The following PHF23 variants were observed in gnomAD, a reference collection of about 807,000 sequenced individuals.
PHF23 encodes the protein PHD finger protein 23.
In PHF23, 3 loss-of-function variants were observed where a neutral mutation model predicts 36.0. That is an observed-to-expected ratio of 0.08 (90% CI 0.04 to 0.22). The LOEUF (loss-of-function observed/expected upper bound fraction) is 0.22. Among genes scored for constraint, PHF23 ranks in the 10% least tolerant of loss-of-function variants. PHF23 has a pLI of 1.00. For synonymous variants in PHF23, 242 were observed against 192.5 expected, an observed-to-expected ratio of 1.26 and a Z score of -2.13; for missense variants, 475 against 513.6, an observed-to-expected ratio of 0.92 and a Z score of 0.73.
intron 3 of PHF23, 80 bp downstream of exon 3, chr17:7,237,305 G>A (rs1479448466): frequency 1.6e-6 from 2 of 1,226,230 alleles, no homozygotes; most frequent in African/African-American, 3.0e-5. Flanking sequence ...CTTCTATAAA[G>A]CAATACAGTT....
chr17:7,239,403 G>A lies in PHF23; in HGVS notation c.-124C>T. ...GAAGTGTCCGCCTCAGCCCGGTTGA[G>A]ACTCGAGTCCGCTAGCCGCTGCCGC... On this transcript the variant is annotated 5_prime_UTR_variant, in exon 1 of 5. Coordinates refer to ENST00000320316, the MANE Select transcript of PHF23 (RefSeq NM_024297.3). 1.9e-6 allele frequency: 1 copy of A among 518,432 alleles called. No individual in the cohort carries two copies. Among genetic ancestry groups the A allele is most frequent in the East Asian group, 3.6e-5 (1 of 27,938 alleles). 32.1% of individuals were successfully genotyped at this position (518,432 alleles called of 1,614,324 possible).
chr17:7,237,319 T>C, intron 3 of PHF23, 66 bp downstream of exon 3: 2 of 1,361,434 alleles, frequency 1.5e-6, no homozygotes, highest in Non-Finnish European at 2.1e-6. Flanking sequence ...TACAGTTCTG[T>C]TTGAACAACA....
chr17:7,239,148 C>G (rs1051930478), intron 1 of PHF23, 98 bp downstream of exon 1: 1 of 1,037,668 alleles, frequency 9.6e-7, no homozygotes, highest in African/African-American at 1.6e-5. Flanking sequence ...CCTCCCCGAA[C>G]TCCCCCGCTG....
Position 7,238,737 on chromosome 17 carries a change from C to T in PHF23, c.34+509G>A, listed in dbSNP as rs114432752. On this transcript the variant is annotated intron_variant, in intron 1 of 4. Transcript: ENST00000320316. Reference sequence around the variant, plus strand: ...CTACCCCCCGGTACAGGTCCGTCTGCCGTAGACAATACCCAGACCCCCTCT... The same window carrying T: ...CTACCCCCCGGTACAGGTCCGTCTGTCGTAGACAATACCCAGACCCCCTCT... 3.8e-3 allele frequency: 5,767 copies of T among 1,509,806 alleles called. 139 individuals carry two copies. The African/African-American group carries it at 0.056, about 15-fold the overall frequency. The allele number at this position is 1,509,806 out of a possible 1,614,324, so 93.5% of individuals were successfully genotyped here.
chr17:7,236,864 A>G lies in PHF23; in HGVS notation c.160-97T>C, dbSNP rs1214416646. ...AAAAGGAGTGACTGGATTTACCCCA[A>G]AATGTCCTACCTCAACCACTAAATC... On this transcript the variant is annotated intron_variant, in intron 3 of 4. Coordinates refer to ENST00000320316, the MANE Select transcript of PHF23 (RefSeq NM_024297.3). This position sits in a 1 kb window ranked among gnomAD's most constrained non-coding sequence, Gnocchi z 5.1. 21 of 1,487,046 alleles carry G rather than the reference A, an allele frequency of 1.4e-5. No homozygotes were observed. Among genetic ancestry groups the G allele is most frequent in the Non-Finnish European group, 1.9e-5 (21 of 1,128,870 alleles). 92.1% of individuals were successfully genotyped at this position (1,487,046 alleles called of 1,614,324 possible). A position where few individuals can be genotyped will look rare whatever the true frequency, so the allele number is the denominator to read the frequency against.
At chr17:7,238,884 A>G in intron 1 of PHF23, 1 of 1,530,128 alleles carries the variant, frequency 6.5e-7, no homozygotes. Flanking sequence ...CGGGCCCCTC[A>G]CTCAGCCTCT....
Position 7,236,353 on chromosome 17 carries a change from C to T in PHF23, c.574G>A (p.Ala192Thr). 1.2e-6 allele frequency: 2 copies of T among 1,614,214 alleles called. No homozygotes were observed. The highest frequency in any genetic ancestry group is 8.5e-7 in the Non-Finnish European group (1 of 1,180,046). ...CGAAGCACCCCAAAGCCAGCCCCAGCTCCTGGCCCCAACTTTCGGTTCTTT... is the reference window on the plus strand; with the variant it reads ...CGAAGCACCCCAAAGCCAGCCCCAGTTCCTGGCCCCAACTTTCGGTTCTTT... ...DRKNRKLGPG[A>T]GAGFGVLRRP... is the part of the protein sequence containing the mutation. Residue 192 changes from alanine (A) to threonine (T), a missense_variant, in exon 4 of 5, where the codon GCT becomes ACT. By Grantham distance (58) the Ala-to-Thr change is moderately conservative. Transcript: ENST00000320316. The surrounding 1 kb of genome is among the most constrained non-coding windows in gnomAD (Gnocchi z 5.1).
chr17:7,239,145 G>A (rs1429199699), intron 1 of PHF23, 101 bp downstream of exon 1: 3 of 1,010,108 alleles, frequency 3.0e-6, no homozygotes, highest in Non-Finnish European at 2.9e-6. Context: ...CCCCCTCCCC[G>A]AACTCCCCCG....
chr17:7,238,802 G>A (rs756938113), intron 1 of PHF23: 228 of 1,531,562 alleles, frequency 1.5e-4, no homozygotes, highest in Middle Eastern at 1.7e-4. Context: ...GACAATCACC[G>A]GGCATTCTCC....
At position 7,236,781 on chromosome 17, in the gene PHF23, A is replaced by G; in HGVS notation, c.160-14T>C. Reference sequence around the variant, plus strand: ...CCAGTCACTTTCCTTAAAAGGGGGAAGAGACCAGGGTCAGCAGAACCCCAG... The same window carrying G: ...CCAGTCACTTTCCTTAAAAGGGGGAGGAGACCAGGGTCAGCAGAACCCCAG... On this transcript the variant is annotated splice_polypyrimidine_tract_variant and intron_variant, in intron 3 of 4. Transcript: ENST00000320316. The surrounding 1 kb of genome is among the most constrained non-coding windows in gnomAD (Gnocchi z 5.1). 1 of 1,600,648 alleles carries G rather than the reference A, an allele frequency of 6.2e-7. No homozygotes were observed. Among genetic ancestry groups the G allele is most frequent in the Non-Finnish European group, 8.5e-7 (1 of 1,173,694 alleles).
At chr17:7,237,914 C>G in intron 1 of PHF23, 3 of 538,228 alleles carry the variant, frequency 5.6e-6, no homozygotes, top group South Asian at 4.2e-5. Flanking sequence ...GCCCCGCCCC[C>G]CCAACTCACG....
chr17:7,235,266 A>G lies in PHF23; in HGVS notation c.*360T>C, dbSNP rs1308887266. The G allele has an allele frequency of 3.6e-6, 1 of 278,652 alleles. No individual in the cohort carries two copies. The highest frequency in any genetic ancestry group is 7.0e-6 in the Non-Finnish European group (1 of 143,148). 17.3% of individuals were successfully genotyped at this position (278,652 alleles called of 1,614,324 possible). A position where few individuals can be genotyped will look rare whatever the true frequency, so the allele number is the denominator to read the frequency against. ...ATAAATGGGGAGTGAAATAGAAGAA[A>G]AGATGAGGGAGGGGAGTGCTAATAT... is the stretch of plus-strand genomic sequence containing the variant. On this transcript the variant is annotated 3_prime_UTR_variant, in exon 5 of 5. Coordinates refer to ENST00000320316, the MANE Select transcript of PHF23 (RefSeq NM_024297.3).
At chr17:7,239,484 C>T (rs529845394), upstream of PHF23, 131 of 477,854 alleles carry the variant, frequency 2.7e-4, no homozygotes, top group African/African-American at 2.5e-3. Context: ...TCCCCCCGCG[C>T]CGCCGGCCGC....
intron 1 of PHF23, chr17:7,238,798 C>T: frequency 6.5e-7 from 1 of 1,534,624 alleles, no homozygotes; most frequent in Non-Finnish European, 8.7e-7. Context: ...CTCCGACAAT[C>T]ACCGGGCATT....
At chr17:7,238,669 A>T in intron 1 of PHF23, 1 of 457,808 alleles carries the variant, frequency 2.2e-6, no homozygotes, top group Non-Finnish European at 2.5e-6. Context: ...CACCCCCTAC[A>T]ACTACCCAGC....
rs750390350 is a variant in PHF23 at position 7,236,730 on chromosome 17, A to G, written c.197T>C (p.Leu66Ser). 2.5e-6 allele frequency: 4 copies of G among 1,613,632 alleles called. No individual in the cohort carries two copies. Among genetic ancestry groups the G allele is most frequent in the South Asian group, 2.2e-5 (2 of 91,076 alleles). ...DWPASGSSSPLRGESAADSDG... is the reference protein window; with the variant it reads ...DWPASGSSSPSRGESAADSDG... ...ACTGTCGGCCGCACTCTCTCCTCGCAATGGAGAGCTGGAGCCAGAGGCTGG... is the reference window on the plus strand; with the variant it reads ...ACTGTCGGCCGCACTCTCTCCTCGCGATGGAGAGCTGGAGCCAGAGGCTGG... The change falls in exon 4 of 5, where the codon TTG becomes TCG. Residue 66 changes from leucine (L) to serine (S), a missense_variant. Transcript: ENST00000320316. This position sits in a 1 kb window ranked among gnomAD's most constrained non-coding sequence, Gnocchi z 5.1.
In PHF23 at chr17:7,235,385, A is replaced by G. The variant is rs905067255; in HGVS notation, c.*241T>C. ...GTGGCAGGTCCAAGAGACAGAGATT[A>G]TGTGTCGGGACACAGACAGCCTCCC... On this transcript the variant is annotated 3_prime_UTR_variant, in exon 5 of 5. Transcript: ENST00000320316. 9.3e-6 allele frequency: 5 copies of G among 538,524 alleles called. No individual in the cohort carries two copies. The highest frequency in any genetic ancestry group is 6.3e-5 in the Admixed American group (2 of 31,852). 33.4% of individuals were successfully genotyped at this position (538,524 alleles called of 1,614,324 possible).
chr17:7,239,547 T>TC (rs2071751487), upstream of PHF23: 1 of 330,982 alleles, frequency 3.0e-6, no homozygotes, highest in Non-Finnish European at 5.7e-6. Context: ...CCTCCTCTTC[T>TC]CTCCCTCCTC....
At position 7,236,540 on chromosome 17, in the gene PHF23, C is replaced by T. The variant is rs1232013102; in HGVS notation, c.387G>A (p.Glu129=). 2.5e-6 allele frequency: 4 copies of T among 1,614,190 alleles called. No individual in the cohort carries two copies. The highest frequency in any genetic ancestry group is 3.4e-6 in the Non-Finnish European group (4 of 1,180,032). Reference sequence around the variant, plus strand: ...AGAGAGAGTCCTTGAGCTTCATCTTCTCAAGCAAGGTAGCACTGTCGGGGG... The same window carrying T: ...AGAGAGAGTCCTTGAGCTTCATCTTTTCAAGCAAGGTAGCACTGTCGGGGG... The part of the protein sequence containing the change: ...LQAPDSATLL[E]KMKLKDSLFD... The change falls in exon 4 of 5, where the codon GAG becomes GAA. Residue 129 remains glutamate, a synonymous_variant. Transcript: ENST00000320316. This position sits in a 1 kb window ranked among gnomAD's most constrained non-coding sequence, Gnocchi z 5.1.
Sources: allele counts gnomAD v4.1 joint callset, GRCh38; gene constraint gnomAD v4.1.1; non-coding constraint Gnocchi (gnomAD v3.1); transcripts MANE v1.5; gene names NCBI Gene and HGNC (gene_info 2026-07-23, HGNC 2026-07-21).